Variants in SNRNP40 observed in about 807,000 individuals in gnomAD.
The protein encoded by SNRNP40 is U5 small nuclear ribonucleoprotein 40 kDa protein.
SNRNP40 carries 21 observed loss-of-function variants against 45.8 expected under a neutral mutation model. The ratio of observed to expected loss-of-function variants is 0.46; its 90% CI spans 0.32 to 0.66. The LOEUF is 0.66. Ranked by LOEUF, SNRNP40 falls within the 30% of genes least tolerant of loss-of-function variation. SNRNP40 has a pLI of 0.03. For synonymous variants in SNRNP40, 142 were observed against 163.8 expected, an observed-to-expected ratio of 0.87 and a Z score of 1.01; for missense variants, 344 against 439.1, an observed-to-expected ratio of 0.78 and a Z score of 1.94.
chr1:31,280,512 TG>T (rs1646008406), intron 5 of SNRNP40, among the ~76,000 whole-genome samples: 1 of 151,826 alleles, frequency 6.6e-6, no homozygotes. Context: ...CAATGAGGGA[TG>T]GAAATACAGT....
chr1:31,282,587 C>CTATCTATG (rs1404425754), intron 4 of SNRNP40: 2 of 151,342 alleles, frequency 1.3e-5, no homozygotes, highest in African/African-American at 4.9e-5. Context: ...ATCTATCTAT[C>CTATCTATG]TATCTATCTA....
chr1:31,276,310 G>A (rs1176158830), intron 5 of SNRNP40, among the ~76,000 whole-genome samples: 1 of 152,164 alleles, frequency 6.6e-6, no homozygotes, highest in African/African-American at 2.4e-5. Flanking sequence ...AGGAATTCAA[G>A]GTTACAGTGA....
In SNRNP40 at chr1:31,285,582, C is replaced by T. The variant is rs1646052035; in HGVS notation, c.531+3672G>A. Among the ~76,000 whole-genome samples, 4 of 152,138 alleles carry T rather than the reference C, an allele frequency of 2.6e-5. No homozygotes were observed. The South Asian group carries it at 8.3e-4, about 32-fold the overall frequency. ...GTGTCTGTCCTACAAAGATGTTCTCCTACATCATCTCAACATAACCATCAA... is the reference window on the plus strand; with the variant it reads ...GTGTCTGTCCTACAAAGATGTTCTCTTACATCATCTCAACATAACCATCAA... On this transcript the variant is annotated intron_variant, in intron 4 of 9. Transcript: ENST00000263694.
intron 9 of SNRNP40, chr1:31,261,032 A>G (rs1372993839): frequency 1.2e-5 from 15 of 1,283,236 alleles, no homozygotes; most frequent in Middle Eastern, 2.2e-4. Flanking sequence ...TGAGACTGAC[A>G]TTGATACCCA....
chr1:31,271,149 G>C, intron 6 of SNRNP40: 1 of 425,228 alleles, frequency 2.4e-6, no homozygotes, highest in Non-Finnish European at 4.2e-6. Context: ...GGGTCTTAAA[G>C]GTAAAGTCCA....
At chr1:31,267,063 C>G (rs924452744) in intron 8 of SNRNP40, among the ~76,000 whole-genome samples, 1 of 152,084 alleles carries the variant, frequency 6.6e-6, no homozygotes, top group Non-Finnish European at 1.5e-5. Flanking sequence ...GGACCAGGGA[C>G]AGTTTATGGA....
Position 31,289,346 on chromosome 1 carries a change from G to C in SNRNP40, c.439C>G (p.Leu147Val), listed in dbSNP as rs1646085560. 6.2e-7 allele frequency: 1 copy of C among 1,613,892 alleles called. No individual in the cohort carries two copies. Among genetic ancestry groups the C allele is most frequent in the African/African-American group, 1.3e-5 (1 of 74,918 alleles). ...DSETGERVKR[L>V]KGHTSFVNSC... is the part of the protein sequence containing the mutation. ...TTCACAAAGGAAGTATGTCCCTTTA[G>C]CCTTTTAACCCTCTCACCTGTTTCA... Residue 147 changes from leucine (L) to valine (V), a missense_variant, in exon 4 of 10, where the codon CTA becomes GTA. Physicochemically the swap from Leu to Val is conservative, Grantham distance 32 (BLOSUM62 1). Transcript: ENST00000263694.
At chr1:31,282,597 ATCTATCTATCTATCTATCTT>A (rs1483062730) in intron 4 of SNRNP40, 1 of 150,226 alleles carries the variant, frequency 6.7e-6, no homozygotes, top group African/African-American at 2.5e-5. Flanking sequence ...CTATCTATCT[ATCTATCTATCTATCTATCTT>A]TCTATCATCT....
At chr1:31,283,537 A>G (rs1393338514) in intron 4 of SNRNP40, among the ~76,000 whole-genome samples, 1 of 152,156 alleles carries the variant, frequency 6.6e-6, no homozygotes, top group Non-Finnish European at 1.5e-5. Flanking sequence ...CGGGGAGTGG[A>G]GGTTGCAGTG....
chr1:31,288,999 G>A (rs1452091510), intron 4 of SNRNP40, among the ~76,000 whole-genome samples: 1 of 152,194 alleles, frequency 6.6e-6, no homozygotes, highest in Non-Finnish European at 1.5e-5. Flanking sequence ...CCAAAGTGCT[G>A]GGATTACAGG....
chr1:31,261,412 A>C, intron 9 of SNRNP40, 117 bp downstream of exon 9: 1 of 676,726 alleles, frequency 1.5e-6, no homozygotes. Context: ...AAAAACACCC[A>C]AAGGCTGTTT....
intron 7 of SNRNP40, among the ~76,000 whole-genome samples, chr1:31,268,749 G>C (rs1645916767): frequency 6.6e-6 from 1 of 152,224 alleles, no homozygotes; most frequent in East Asian, 1.9e-4. Flanking sequence ...ACTGAGGGAA[G>C]AGATGTATTC....
At chr1:31,284,408 C>T (rs1486105170) in intron 4 of SNRNP40, among the ~76,000 whole-genome samples, 1 of 152,216 alleles carries the variant, frequency 6.6e-6, no homozygotes. Flanking sequence ...CCTTGGCCTC[C>T]CAAAGTGGTG....
chr1:31,264,949 G>C lies in SNRNP40; in HGVS notation c.920+2922C>G, dbSNP rs16834304. 8.4e-3 allele frequency among the ~76,000 whole-genome samples: 1,280 copies of C among 152,242 alleles called. 19 individuals carry two copies. The highest frequency in any genetic ancestry group is 0.029 in the African/African-American group (1,203 of 41,526). ...CTGCCAATTAGATGCTAAATTTAGAGGGGTTCCTTGCCCTCTCCTTACTTT... is the reference window on the plus strand; with the variant it reads ...CTGCCAATTAGATGCTAAATTTAGACGGGTTCCTTGCCCTCTCCTTACTTT... On this transcript the variant is annotated intron_variant, in intron 8 of 9. Transcript: ENST00000263694.
intron 4 of SNRNP40, among the ~76,000 whole-genome samples, chr1:31,287,241 A>C (rs1646066296): frequency 1.3e-5 from 2 of 152,346 alleles, no homozygotes; most frequent in South Asian, 4.1e-4. Flanking sequence ...AAAGCTGTTT[A>C]ATGATGCCTT....
At chr1:31,270,940 T>C (rs1313696565) in intron 6 of SNRNP40, among the ~76,000 whole-genome samples, 1 of 152,182 alleles carries the variant, frequency 6.6e-6, no homozygotes, top group Non-Finnish European at 1.5e-5. Flanking sequence ...TGAAGACCTC[T>C]TCCCACACCA....
rs74874038 is a variant in SNRNP40, at chr1:31,288,259, C to T, written c.531+995G>A. On this transcript the variant is annotated intron_variant, in intron 4 of 9. Transcript: ENST00000263694. ...CCAGATGTACTCTTTTGAAGTCCCT[C>T]ACTGTTTAACAATTAAAATATAAAC... is the stretch of plus-strand genomic sequence containing the variant. 2.3e-3 allele frequency among the ~76,000 whole-genome samples: 344 copies of T among 152,250 alleles called. 2 individuals are homozygous for T. The highest frequency in any genetic ancestry group is 7.8e-3 in the African/African-American group (326 of 41,534).
chr1:31,277,201 GA>G (rs1361500357), intron 5 of SNRNP40, among the ~76,000 whole-genome samples: 1 of 151,458 alleles, frequency 6.6e-6, no homozygotes, highest in African/African-American at 2.4e-5. Context: ...CTTGAAAAAA[GA>G]AAAAAAGCAT....
intron 4 of SNRNP40, among the ~76,000 whole-genome samples, chr1:31,284,351 T>C (rs1646041125): frequency 6.6e-6 from 1 of 152,224 alleles, no homozygotes; most frequent in Non-Finnish European, 1.5e-5. Context: ...GGTTTCACCA[T>C]GTTGGCCAGG....
Sources: allele counts gnomAD v4.1 joint callset (sites outside exome capture counted in the v4.1 genomes callset), GRCh38; gene constraint gnomAD v4.1.1; transcripts MANE v1.5; gene names NCBI Gene and HGNC (gene_info 2026-07-23, HGNC 2026-07-21).